Variants in RGS7 observed in about 807,000 individuals in gnomAD.
RGS7 encodes the protein regulator of G protein signaling 7, also known as regulator of G-protein signaling 7.
RGS7 carries 27 observed loss-of-function variants against 81.1 expected under a neutral mutation model. The ratio of observed to expected loss-of-function variants is 0.33; its 90% confidence interval spans 0.25 to 0.46. The LOEUF (loss-of-function observed/expected upper bound fraction) is 0.46, where lower values mean the gene tolerates loss of function less well. Among genes scored for constraint, RGS7 ranks in the 20% least tolerant of loss-of-function variants. The pLI is 1.00. For missense variants in RGS7, 396 were observed against 607.4 expected (o/e 0.65, Z 3.66); for synonymous variants, 208 against 207.7 (o/e 1.00, Z -0.01).
chr1:241,075,217 C>T (rs1283536055), intron 3 of RGS7, among the ~76,000 whole-genome samples: 2 of 152,164 alleles, frequency 1.3e-5, no homozygotes, highest in Admixed American at 6.5e-5. Context: ...GAAAATCTCA[C>T]TCACATCCAA....
rs111303647 is a variant in RGS7, at chr1:240,790,547, A to G, written c.*6+10094T>C. On this transcript the variant is annotated intron_variant, in intron 18 of 18. Transcript: ENST00000440928. The stretch of plus-strand genomic sequence containing the variant: ...ACCTTCAAGCAATTCACTAGTTGTC[A>G]TCTAGAGGAAGTGCTTGTATTACTC... Among the ~76,000 whole-genome samples, 427 of 152,358 alleles carry G rather than the reference A, an allele frequency of 2.8e-3. 3 individuals are homozygous for G. The highest frequency in any genetic ancestry group is 8.8e-3 in the African/African-American group (367 of 41,584).
intron 4 of RGS7, among the ~76,000 whole-genome samples, chr1:240,941,209 G>A (rs552971068): frequency 2.2e-4 from 33 of 152,294 alleles, no homozygotes; most frequent in Admixed American, 8.5e-4. Flanking sequence ...ATGTCAAGGT[G>A]AAATCAAACC....
At chr1:240,844,387 C>A (rs1558341616) in intron 9 of RGS7, among the ~76,000 whole-genome samples, 1 of 152,186 alleles carries the variant, frequency 6.6e-6, no homozygotes, top group East Asian at 1.9e-4. Context: ...GCTGTTGGCT[C>A]TTAAGACCTT....
intron 5 of RGS7, 42 bp downstream of exon 5, chr1:240,936,558 G>T: frequency 2.1e-6 from 3 of 1,424,918 alleles, no homozygotes; most frequent in Non-Finnish European, 3.0e-6. Context: ...ACGAAATGCG[G>T]GCTTCTAGTT....
chr1:241,068,238 G>GTATATATA lies in RGS7; in HGVS notation c.175+30420_175+30427dup, dbSNP rs1553407877. On this transcript the variant is annotated intron_variant, in intron 3 of 18. Coordinates refer to ENST00000440928, the MANE Select transcript of RGS7 (RefSeq NM_001364886.1). ...CTATCCATAAATTGTGTGTGTGTGTGTATATATATATATATATATAAAATA... is the reference window on the plus strand; with the variant it reads ...CTATCCATAAATTGTGTGTGTGTGTGTATATATATATATATATATATATATATAAAATA... 2.0e-3 allele frequency among the ~76,000 whole-genome samples: 71 copies of GTATATATA among 35,676 alleles called. 3 individuals carry two copies. The highest frequency in any genetic ancestry group is 6.4e-3 in the African/African-American group (67 of 10,522). 23.4% of individuals were successfully genotyped at this position (35,676 alleles called of 152,430 possible). A position where few individuals can be genotyped will look rare whatever the true frequency, so the allele number is the denominator to read the frequency against.
At chr1:241,072,632 T>C (rs1306296233) in intron 3 of RGS7, among the ~76,000 whole-genome samples, 2 of 152,164 alleles carry the variant, frequency 1.3e-5, no homozygotes, top group African/African-American at 4.8e-5. Flanking sequence ...GATGGTGTCC[T>C]GTGGGGACAG....
chr1:241,274,639 T>C (rs947506214), intron 2 of RGS7, among the ~76,000 whole-genome samples: 2 of 152,152 alleles, frequency 1.3e-5, no homozygotes, highest in Admixed American at 1.3e-4. Context: ...ACAAATTAAG[T>C]TAAAACAAAT....
At chr1:240,918,519 C>A (rs1303281246) in intron 6 of RGS7, among the ~76,000 whole-genome samples, 3 of 151,602 alleles carry the variant, frequency 2.0e-5, no homozygotes, top group East Asian at 3.9e-4. Flanking sequence ...GAAGAAGTCT[C>A]GGGAGAAATT....
intron 6 of RGS7, among the ~76,000 whole-genome samples, chr1:240,905,208 GA>G (rs201183132): frequency 1.9e-4 from 29 of 151,124 alleles, no homozygotes; most frequent in Non-Finnish European, 3.5e-4. Context: ...TAGGAAGTCA[GA>G]AAAAAAAATC....
chr1:241,005,848 T>A (rs2058667002), intron 3 of RGS7, among the ~76,000 whole-genome samples: 1 of 152,164 alleles, frequency 6.6e-6, no homozygotes, highest in African/African-American at 2.4e-5. Context: ...TCTGGCATCT[T>A]TTGCTCAACA....
intron 2 of RGS7, among the ~76,000 whole-genome samples, chr1:241,303,751 GT>G (rs1307960022): frequency 6.6e-6 from 1 of 152,152 alleles, no homozygotes. Flanking sequence ...GAACTGGGTT[GT>G]TTGCCCTGTG....
intron 2 of RGS7, among the ~76,000 whole-genome samples, chr1:241,351,986 T>C (rs1480274982): frequency 6.6e-6 from 1 of 152,182 alleles, no homozygotes; most frequent in Non-Finnish European, 1.5e-5. Flanking sequence ...AAATTTTGTT[T>C]TTCAAATGCA....
At position 240,868,138 on chromosome 1, in the gene RGS7, GAAAGAAAGAAAGAA is replaced by G. The variant is rs796637110; in HGVS notation, c.609+435_609+448del. 0.023 allele frequency among the ~76,000 whole-genome samples: 2,799 copies of G among 122,266 alleles called. 118 individuals are homozygous for G. The highest frequency in any genetic ancestry group is 0.11 in the African/African-American group (2,644 of 23,770). 80.2% of individuals were successfully genotyped at this position (122,266 alleles called of 152,430 possible). ...AAAAGGAAAGAAAGAAAGAAAGAAAGAAAGAAAGAAAGAAAGAAAGGACGGAGGGAGGGAAGGAC... is the reference window on the plus strand; with the variant it reads ...AAAAGGAAAGAAAGAAAGAAAGAAAGAGAAAGGACGGAGGGAGGGAAGGAC... On this transcript the variant is annotated intron_variant, in intron 9 of 18. Transcript: ENST00000440928. This position sits in a 1 kb window ranked among gnomAD's most constrained non-coding sequence, Gnocchi z 5.1.
intron 3 of RGS7, among the ~76,000 whole-genome samples, chr1:241,030,373 T>TATATATATATATATATATATATATACAC (rs374223475): frequency 1.3e-4 from 17 of 135,230 alleles, no homozygotes; most frequent in African/African-American, 2.5e-4. Context: ...TATATATATA[T>TATATATATATATATATATATATATACAC]ACATACACAC....
chr1:240,883,111 T>C (rs2148098525), intron 6 of RGS7, among the ~76,000 whole-genome samples: 2 of 150,596 alleles, frequency 1.3e-5, no homozygotes, highest in South Asian at 4.2e-4. Flanking sequence ...ATGGTGTGTA[T>C]GTGCCACATT....
chr1:240,982,397 G>C (rs1685046835), intron 4 of RGS7, among the ~76,000 whole-genome samples: 1 of 134,120 alleles, frequency 7.5e-6, no homozygotes, highest in Non-Finnish European at 1.5e-5. Flanking sequence ...ACTCCAGCCT[G>C]GGCAACAAGA....
intron 9 of RGS7, among the ~76,000 whole-genome samples, chr1:240,838,911 G>A (rs749639015): frequency 9.9e-5 from 15 of 152,052 alleles, no homozygotes; most frequent in Non-Finnish European, 1.6e-4. Context: ...TAGGATTACA[G>A]GATTAGGATT....
chr1:241,107,151 C>T (rs2065176551), intron 2 of RGS7, among the ~76,000 whole-genome samples: 1 of 152,146 alleles, frequency 6.6e-6, no homozygotes. Context: ...CTTACTGCCC[C>T]CTCCACTCTG....
intron 6 of RGS7, among the ~76,000 whole-genome samples, chr1:240,927,429 A>G (rs1169829587): frequency 1.3e-5 from 2 of 152,218 alleles, no homozygotes; most frequent in African/African-American, 4.8e-5. Flanking sequence ...GTCTTAGAAA[A>G]GACAGCCTAA....
Sources: allele counts gnomAD v4.1 joint callset (sites outside exome capture counted in the v4.1 genomes callset), GRCh38; gene constraint gnomAD v4.1.1; non-coding constraint Gnocchi (gnomAD v3.1); transcripts MANE v1.5; gene names NCBI Gene and HGNC (gene_info 2026-07-23, HGNC 2026-07-21).